RNF19B: variants seen among roughly 807,000 people sequenced by gnomAD.
RNF19B encodes the protein ring finger protein 19B, also known as E3 ubiquitin-protein ligase RNF19B.
RNF19B carries 23 observed loss-of-function variants against 65.5 expected under a neutral mutation model. The ratio of observed to expected loss-of-function variants is 0.35; its 90% CI spans 0.25 to 0.50. RNF19B has a LOEUF of 0.50. RNF19B is among the 20% of genes least tolerant of loss of function. RNF19B has a pLI of 0.98. For missense variants in RNF19B, 794 were observed against 980.0 expected, an observed-to-expected ratio of 0.81 and a Z score of 2.53; for synonymous variants, 372 against 379.6, an observed-to-expected ratio of 0.98 and a Z score of 0.23.
At chr1:32,944,758 G>A (rs1450873675) in intron 5 of RNF19B, among the ~76,000 whole-genome samples, 1 of 151,230 alleles carries the variant, frequency 6.6e-6, no homozygotes, top group African/African-American at 2.4e-5. Flanking sequence ...GCACGATCTC[G>A]GCTCACTGCA....
intron 4 of RNF19B, 57 bp from the exon 5 acceptor site, chr1:32,945,685 G>A: frequency 3.1e-6 from 3 of 983,546 alleles, no homozygotes; most frequent in Admixed American, 2.0e-5. Flanking sequence ...TCTTTTGCCA[G>A]AGAAAAAAAG....
intron 6 of RNF19B, among the ~76,000 whole-genome samples, chr1:32,943,058 G>A (rs1301319476): frequency 2.7e-5 from 4 of 149,566 alleles, no homozygotes; most frequent in African/African-American, 4.9e-5. Flanking sequence ...GGAGAATGAC[G>A]CGAACCCAGG....
At chr1:32,930,554 C>T in the RNF19B span, among the ~76,000 whole-genome samples, 1 of 152,080 alleles carries the variant, frequency 6.6e-6, no homozygotes, top group Non-Finnish European at 1.5e-5. Context: ...TATACAGGCA[C>T]ACACCACCAT....
chr1:32,943,846 T>C (rs1388230699), intron 6 of RNF19B, among the ~76,000 whole-genome samples, 173 bp downstream of exon 6: 1 of 152,120 alleles, frequency 6.6e-6, no homozygotes, highest in Non-Finnish European at 1.5e-5. Context: ...ACCAGGGGAA[T>C]TAACCTAATA....
chr1:32,942,869 G>A (rs528041206), intron 6 of RNF19B, among the ~76,000 whole-genome samples: 4 of 152,258 alleles, frequency 2.6e-5, no homozygotes, highest in South Asian at 4.1e-4. Context: ...GGCCGGGCGC[G>A]GTGGCTCACG....
Position 32,953,212 on chromosome 1 carries a change from A to C in RNF19B, c.636-3438T>G, listed in dbSNP as rs1284034019. Reference sequence around the variant, plus strand: ...TGGTCTGGAACTTCTGTCTTCAAGCAACCCTCCCGCCTTAGCCTCCCAAAG... The same window carrying C: ...TGGTCTGGAACTTCTGTCTTCAAGCCACCCTCCCGCCTTAGCCTCCCAAAG... On this transcript the variant is annotated intron_variant, in intron 1 of 8. Coordinates refer to ENST00000235150, the MANE Select transcript of RNF19B (RefSeq NM_001300826.2). 2.0e-5 allele frequency among the ~76,000 whole-genome samples: 3 copies of C among 151,706 alleles called. No homozygotes were observed. The East Asian group carries it at 5.8e-4, about 29-fold the overall frequency.
At position 32,942,383 on chromosome 1, in the gene RNF19B, G is replaced by A. The variant is rs929900712; in HGVS notation, c.1479C>T (p.Ser493=). The A allele has an allele frequency of 6.2e-7, 1 of 1,614,176 alleles. No individual in the cohort carries two copies. Among genetic ancestry groups the A allele is most frequent in the South Asian group, 1.1e-5 (1 of 91,084 alleles). Residue 493 remains serine (S), a synonymous_variant, in exon 7 of 9, where the codon AGC becomes AGT. Coordinates refer to ENST00000235150, the MANE Select transcript of RNF19B (RefSeq NM_001300826.2). ...SSIEGLTSVL[S]TSGSPTDGLS... is the part of the protein sequence containing the mutation. ...GTCCATCTGTAGGGCTTCCACTAGT[G>A]CTCAATACACTAGTCAGGCCTTCAA...
chr1:32,949,792 A>G lies in RNF19B; in HGVS notation c.636-18T>C. On this transcript the variant is annotated intron_variant, in intron 1 of 8. Coordinates refer to ENST00000235150, the MANE Select transcript of RNF19B (RefSeq NM_001300826.2). Reference sequence around the variant, plus strand: ...CAGCATAACTAGGTAAGGAAACAGTAAGAGATACCAGTAAGGTAAGAATGA... The same window carrying G: ...CAGCATAACTAGGTAAGGAAACAGTGAGAGATACCAGTAAGGTAAGAATGA... The G allele has an allele frequency of 6.3e-7, 1 of 1,588,200 alleles. No individual in the cohort carries two copies. The highest frequency in any genetic ancestry group is 8.6e-7 in the Non-Finnish European group (1 of 1,161,500).
rs752357771 is a variant in RNF19B at position 32,948,281 on chromosome 1, C to T, written c.924G>A (p.Val308=). 6.2e-7 allele frequency: 1 copy of T among 1,614,128 alleles called. No homozygotes were observed. Among genetic ancestry groups the T allele is most frequent in the Non-Finnish European group, 8.5e-7 (1 of 1,179,988 alleles). ...AAAGCCAACAGAATTCACAGCCACA[C>T]ACTGCACAGGTCATGTGATTACAGC... ...DGSCNHMTCA[V]CGCEFCWLCM... is the part of the protein sequence containing the mutation. Residue 308 remains valine, a synonymous_variant, in exon 3 of 9, where the codon GTG becomes GTA. Coordinates refer to ENST00000235150, the MANE Select transcript of RNF19B (RefSeq NM_001300826.2).
intron 1 of RNF19B, among the ~76,000 whole-genome samples, chr1:32,955,053 G>C (rs1642602650): frequency 6.6e-6 from 1 of 152,030 alleles, no homozygotes; most frequent in African/African-American, 2.4e-5. Context: ...TACTTCGTGG[G>C]TGTGCACAAT....
intron 1 of RNF19B, among the ~76,000 whole-genome samples, chr1:32,955,470 CT>C (rs1317943262): frequency 2.0e-5 from 3 of 151,814 alleles, no homozygotes; most frequent in Non-Finnish European, 4.4e-5. Flanking sequence ...TGGATCACAC[CT>C]GTAATCCCAG....
At chr1:32,933,028 T>C (rs1470184832), downstream of RNF19B, among the ~76,000 whole-genome samples, 3 of 152,206 alleles carry the variant, frequency 2.0e-5, no homozygotes, top group African/African-American at 7.2e-5. Flanking sequence ...CAAGTAGCAC[T>C]ATCTACCACT....
At chr1:32,956,985 A>T (rs1642654134) in intron 1 of RNF19B, among the ~76,000 whole-genome samples, 1 of 152,174 alleles carries the variant, frequency 6.6e-6, no homozygotes, top group African/African-American at 2.4e-5. Context: ...TAGGCTAGAC[A>T]ACTCCAAGAG....
chr1:32,936,692 A>C lies in RNF19B; in HGVS notation c.*114T>G. On this transcript the variant is annotated 3_prime_UTR_variant, in exon 9 of 9. Coordinates refer to ENST00000235150, the MANE Select transcript of RNF19B (RefSeq NM_001300826.2). ...TTTCCCTGGGCAAAAACCTGTGACC[A>C]GAGAATCTGTGAAATAAAATACATA... The C allele has an allele frequency of 9.7e-7, 1 of 1,029,616 alleles. No individual in the cohort carries two copies. Among genetic ancestry groups the C allele is most frequent in the Non-Finnish European group, 1.3e-6 (1 of 760,040 alleles). The allele number at this position is 1,029,616 out of a possible 1,614,324, so 63.8% of individuals were successfully genotyped here.
chr1:32,937,199 C>T lies in RNF19B; in HGVS notation c.1803G>A (p.Leu601=), dbSNP rs368843944. 1.9e-6 allele frequency: 3 copies of T among 1,614,034 alleles called. No individual in the cohort carries two copies. Among genetic ancestry groups the T allele is most frequent in the Non-Finnish European group, 2.5e-6 (3 of 1,180,042 alleles). Residue 601 remains leucine, a synonymous_variant, in exon 9 of 9, where the codon CTG becomes CTA. Coordinates refer to ENST00000235150, the MANE Select transcript of RNF19B (RefSeq NM_001300826.2). The part of the protein sequence containing the change: ...DIEAKPSHYQ[L]VSGSSTEDSL... The stretch of plus-strand genomic sequence containing the variant: ...AGTCCTCCGTGCTGCTTCCACTCAC[C>T]AGCTGATAGTGGCTTGGTTTGGCTT...
At chr1:32,929,306 C>T in the RNF19B span, among the ~76,000 whole-genome samples, 3 of 152,146 alleles carry the variant, frequency 2.0e-5, no homozygotes, top group Admixed American at 6.6e-5. Context: ...AATTAGGGGG[C>T]CACCCTATGC....
rs1642252347 is a variant in RNF19B at position 32,942,243 on chromosome 1, T to C, written c.1610+9A>G. The C allele has an allele frequency of 1.3e-6, 2 of 1,594,568 alleles. No individual in the cohort carries two copies. The highest frequency in any genetic ancestry group is 1.3e-5 in the African/African-American group (1 of 74,590). On this transcript the variant is annotated intron_variant, in intron 7 of 8. Coordinates refer to ENST00000235150, the MANE Select transcript of RNF19B (RefSeq NM_001300826.2). ...AACCATTTCTGTCAGAAATTATCTA[T>C]TTGTTTACCTGCTATATTTTCCCTT...
At chr1:32,934,302 C>G (rs150405364), downstream of RNF19B, among the ~76,000 whole-genome samples, 1 of 152,334 alleles carries the variant, frequency 6.6e-6, no homozygotes, top group East Asian at 1.9e-4. Context: ...AGAAAGTCAT[C>G]TGGTCTTCAG....
intron 1 of RNF19B, among the ~76,000 whole-genome samples, chr1:32,956,441 G>A (rs536113434): frequency 3.3e-5 from 5 of 151,982 alleles, no homozygotes; most frequent in South Asian, 4.2e-4. Flanking sequence ...GGTGGCACAT[G>A]CCTGCAGTCC....
Sources: allele counts gnomAD v4.1 joint callset (sites outside exome capture counted in the v4.1 genomes callset), GRCh38; gene constraint gnomAD v4.1.1; transcripts MANE v1.5; gene names NCBI Gene and HGNC (gene_info 2026-07-23, HGNC 2026-07-21).